The following NARS2 variants were observed in gnomAD, a reference collection of about 807,000 sequenced individuals.
NARS2 encodes the protein asparaginyl-tRNA synthetase 2, mitochondrial.
In NARS2, 60 loss-of-function variants were observed where a neutral mutation model predicts 62.9. The observed-to-expected ratio is 0.95, with a 90% confidence interval of 0.77 to 1.18. The LOEUF is 1.18. Ranked by LOEUF, NARS2 falls within the 50% of genes most tolerant of loss-of-function variation. NARS2 has a pLI of 0.00. For missense variants in NARS2, 619 were observed against 576.4 expected, an observed-to-expected ratio of 1.07 and a Z score of -0.76; for synonymous variants, 196 against 200.0, an observed-to-expected ratio of 0.98 and a Z score of 0.17.
At chr11:78,475,583 T>C (rs987626513) in intron 9 of NARS2, among the ~76,000 whole-genome samples, 4 of 46,518 alleles carry the variant, frequency 8.6e-5, no homozygotes, top group Admixed American at 4.9e-4. Context: ...CATTTGACTT[T>C]TTTTTTTTTT....
At position 78,571,383 on chromosome 11, in the gene NARS2, G is replaced by A. The variant is rs766040190; in HGVS notation, c.203C>T (p.Ser68Leu). The A allele has an allele frequency of 1.2e-6, 2 of 1,613,394 alleles. No homozygotes were observed. Among genetic ancestry groups the A allele is most frequent in the African/African-American group, 1.3e-5 (1 of 74,722 alleles). Residue 68 changes from serine (S) to leucine (L), a missense_variant, in exon 2 of 14, where the codon TCA becomes TTA. By Grantham distance (145) the Ser-to-Leu change is moderately radical. Coordinates refer to ENST00000281038, the MANE Select transcript of NARS2 (RefSeq NM_024678.6). ...EVLFLHVNDG[S>L]SLESLQVVAD... ...AACAACCTGAAGGCTTTCCAAAGAT[G>A]ACCCATCATTTACATGCAGGAACAA... is the stretch of plus-strand genomic sequence containing the variant.
chr11:78,558,464 T>C lies in NARS2; in HGVS notation c.594+1075A>G, dbSNP rs553940447. On this transcript the variant is annotated intron_variant, in intron 5 of 13. Transcript: ENST00000281038. ...GTTACATACAAATTTTGTCATTTGATAGAATCAACCAAATATATAAACAAG... is the reference window on the plus strand; with the variant it reads ...GTTACATACAAATTTTGTCATTTGACAGAATCAACCAAATATATAAACAAG... The C allele has an allele frequency of 3.3e-5, 5 of 152,314 alleles. No homozygotes were observed. In the South Asian group the frequency reaches 8.3e-4, roughly 25 times the overall value. 9.4% of individuals were successfully genotyped at this position (152,314 alleles called of 1,614,324 possible).
chr11:78,507,021 A>G (rs1860527457), intron 6 of NARS2, among the ~76,000 whole-genome samples: 1 of 152,112 alleles, frequency 6.6e-6, no homozygotes, highest in African/African-American at 2.4e-5. Context: ...CCCCGTGCAC[A>G]CAGCTTGAGG....
chr11:78,495,010 C>T (rs1816528261), intron 6 of NARS2, among the ~76,000 whole-genome samples: 1 of 152,106 alleles, frequency 6.6e-6, no homozygotes, highest in Admixed American at 6.5e-5. Flanking sequence ...TCTCTATCTC[C>T]ACAGCTATTG....
chr11:78,568,037 A>G (rs1270906675), intron 3 of NARS2, among the ~76,000 whole-genome samples: 6 of 152,280 alleles, frequency 3.9e-5, no homozygotes, highest in Non-Finnish European at 8.8e-5. Context: ...TTGCAAAAAC[A>G]GGCATAAACA....
chr11:78,498,884 CTCAG>C (rs1301156972), intron 6 of NARS2, among the ~76,000 whole-genome samples: 1 of 142,928 alleles, frequency 7.0e-6, no homozygotes, highest in African/African-American at 2.6e-5. Context: ...CATCCTCATC[CTCAG>C]TCTTTTTTTT....
At chr11:78,475,530 T>C (rs1354419368) in intron 9 of NARS2, among the ~76,000 whole-genome samples, 2 of 150,658 alleles carry the variant, frequency 1.3e-5, no homozygotes, top group African/African-American at 4.9e-5. Flanking sequence ...CTAACAGTTA[T>C]AAAAGGGTTC....
chr11:78,437,127 A>G (rs1244918874), intron 13 of NARS2, among the ~76,000 whole-genome samples: 1 of 152,216 alleles, frequency 6.6e-6, no homozygotes, highest in Non-Finnish European at 1.5e-5. Context: ...AATTTTCTAT[A>G]GATTTACTAA....
At chr11:78,464,038 C>T (rs958724202) in intron 11 of NARS2, among the ~76,000 whole-genome samples, 1 of 152,126 alleles carries the variant, frequency 6.6e-6, no homozygotes, top group African/African-American at 2.4e-5. Flanking sequence ...TTCTTAAAGG[C>T]GGCGCGTCCG....
intron 5 of NARS2, among the ~76,000 whole-genome samples, chr11:78,551,980 G>A (rs1856136433): frequency 6.6e-6 from 1 of 152,052 alleles, no homozygotes; most frequent in Non-Finnish European, 1.5e-5. Context: ...TCTCCACCCA[G>A]AGTCTAATAA....
chr11:78,509,774 C>G (rs1474635767), intron 6 of NARS2, among the ~76,000 whole-genome samples: 1 of 145,944 alleles, frequency 6.9e-6, no homozygotes, highest in East Asian at 2.0e-4. Context: ...ATGCAGTAAG[C>G]TGGGATCGTG....
Position 78,469,369 on chromosome 11 carries a change from A to C in NARS2, c.960-56T>G. The C allele has an allele frequency of 2.3e-6, 3 of 1,331,678 alleles. No individual in the cohort carries two copies. In the South Asian group the frequency reaches 3.5e-5, roughly 16 times the overall value. The allele number at this position is 1,331,678 out of a possible 1,614,324, so 82.5% of individuals were successfully genotyped here. A position where few individuals can be genotyped will look rare whatever the true frequency, so the allele number is the denominator to read the frequency against. ...AGTCAATACAATGGAGCTGCTAACT[A>C]GTTCATTTTAAAACCAGAAAAAGCG... On this transcript the variant is annotated intron_variant, in intron 9 of 13. Transcript: ENST00000281038.
At chr11:78,447,466 A>C (rs1398424533) in intron 11 of NARS2, among the ~76,000 whole-genome samples, 3 of 152,220 alleles carry the variant, frequency 2.0e-5, no homozygotes, top group Non-Finnish European at 4.4e-5. Flanking sequence ...CTAAAAACAG[A>C]ACATACACCT....
At position 78,566,262 on chromosome 11, in the gene NARS2, A is replaced by C; in HGVS notation, c.383T>G (p.Ile128Ser). The C allele has an allele frequency of 1.9e-6, 3 of 1,587,204 alleles. No individual in the cohort carries two copies. Among genetic ancestry groups the C allele is most frequent in the Non-Finnish European group, 2.6e-6 (3 of 1,166,876 alleles). Reference sequence around the variant, plus strand: ...CAGAGGATGCCTCTCTTTATATTTGATGGGGAAATCCTGCCAATAAATGAA... The same window carrying C: ...CAGAGGATGCCTCTCTTTATATTTGCTGGGGAAATCCTGCCAATAAATGAA... ...IGNCDAKDFP[I>S]KYKERHPLEY... Residue 128 changes from isoleucine (I) to serine (S), a missense_variant, in exon 4 of 14, where the codon ATC (isoleucine) becomes AGC (serine). Ile to Ser is a moderately radical substitution (Grantham distance 142, BLOSUM62 -2). Transcript: ENST00000281038.
intron 11 of NARS2, among the ~76,000 whole-genome samples, chr11:78,455,402 T>C (rs980937149): frequency 1.1e-4 from 16 of 152,322 alleles, no homozygotes; most frequent in African/African-American, 3.8e-4. Context: ...AAGTATAAAA[T>C]ATGTGTAAAA....
Position 78,469,290 on chromosome 11 carries a change from T to C in NARS2, c.983A>G (p.Glu328Gly). 1 of 1,613,390 alleles carries C rather than the reference T, an allele frequency of 6.2e-7. No homozygotes were observed. The highest frequency in any genetic ancestry group is 8.5e-7 in the Non-Finnish European group (1 of 1,179,474). Reference protein sequence around the residue: ...FLIISYTEAVEILKQASQNFT... With the variant: ...FLIISYTEAVGILKQASQNFT... ...GTTCTGGGATGCTTGCTTTAAGATC[T>C]CCACTGCTTCAGTATAAGAAATGCT... The change falls in exon 10 of 14, where the codon GAG becomes GGG. Residue 328 changes from glutamate to glycine, a missense_variant. By Grantham distance (98) the Glu-to-Gly change is moderately conservative. Transcript: ENST00000281038.
intron 5 of NARS2, among the ~76,000 whole-genome samples, chr11:78,530,747 A>G (rs919565481): frequency 3.3e-5 from 5 of 152,200 alleles, no homozygotes; most frequent in African/African-American, 9.6e-5. Context: ...GATTACAGGC[A>G]TGAGCCACCG....
chr11:78,542,246 C>G (rs986998573), intron 5 of NARS2, among the ~76,000 whole-genome samples: 2 of 152,114 alleles, frequency 1.3e-5, no homozygotes, highest in African/African-American at 4.8e-5. Flanking sequence ...GCTGAGCAGT[C>G]TGAGAAAGAA....
intron 11 of NARS2, chr11:78,443,990 A>C (rs1857663709): frequency 3.4e-6 from 1 of 290,186 alleles, no homozygotes; most frequent in African/African-American, 2.1e-5. Context: ...GTTAATTATA[A>C]AAATGTGGAT....
Sources: allele counts gnomAD v4.1 joint callset (sites outside exome capture counted in the v4.1 genomes callset), GRCh38; gene constraint gnomAD v4.1.1; transcripts MANE v1.5; gene names NCBI Gene and HGNC (gene_info 2026-07-23, HGNC 2026-07-21).